GPC6: variants seen among roughly 807,000 people sequenced by gnomAD.
GPC6 encodes the protein glypican-6.
Under a neutral mutation model 55.2 loss-of-function variants are expected in GPC6, and 14 were observed. The observed-to-expected ratio is 0.25, with a 90% CI of 0.17 to 0.40. The LOEUF is 0.40. GPC6 is among the 10% of genes least tolerant of loss of function. The probability of loss-of-function intolerance (pLI) is 1.00; values close to 1 mark genes in which losing one functional copy is unlikely to be tolerated. For synonymous variants in GPC6, 278 were observed against 259.6 expected, an observed-to-expected ratio of 1.07 and a Z score of -0.68; for missense variants, 641 against 708.5, an observed-to-expected ratio of 0.90 and a Z score of 1.08.
intron 6 of GPC6, among the ~76,000 whole-genome samples, chr13:94,353,120 T>TACG (rs915168935): frequency 9.2e-5 from 14 of 152,254 alleles, no homozygotes; most frequent in African/African-American, 2.9e-4. Context: ...AAGAAGTAGA[T>TACG]ACGACTTACA....
intron 7 of GPC6, among the ~76,000 whole-genome samples, chr13:94,391,352 G>A (rs896681236): frequency 1.3e-5 from 2 of 152,154 alleles, no homozygotes; most frequent in Non-Finnish European, 2.9e-5. Flanking sequence ...TAAATGACTT[G>A]TCCATGGTCA....
Position 93,397,333 on chromosome 13 carries a change from TG to T in GPC6, c.161-147928del, listed in dbSNP as rs1875896523. 2.0e-5 allele frequency among the ~76,000 whole-genome samples: 3 copies of T among 152,198 alleles called. No individual in the cohort carries two copies. In the South Asian group the frequency reaches 6.2e-4, roughly 31 times the overall value. The stretch of plus-strand genomic sequence containing the variant: ...ACACTTGTTATTTTCTTCCTTTTTT[TG>T]GTATAGCCATCTAATAAGTGTAAAG... On this transcript the variant is annotated intron_variant, in intron 1 of 8. Coordinates refer to ENST00000377047, the MANE Select transcript of GPC6 (RefSeq NM_005708.5).
intron 2 of GPC6, among the ~76,000 whole-genome samples, chr13:93,711,371 C>A (rs1778037318): frequency 6.6e-6 from 1 of 151,670 alleles, no homozygotes; most frequent in African/African-American, 2.4e-5. Context: ...TATTCACTAT[C>A]ATGAGAACAG....
chr13:94,378,384 G>C (rs1332265248), intron 6 of GPC6, among the ~76,000 whole-genome samples: 1 of 152,096 alleles, frequency 6.6e-6, no homozygotes, highest in Non-Finnish European at 1.5e-5. Flanking sequence ...TCACAGAAGA[G>C]TACTTAGATA....
chr13:93,984,966 A>G (rs1188342606), intron 3 of GPC6, among the ~76,000 whole-genome samples: 1 of 152,136 alleles, frequency 6.6e-6, no homozygotes, highest in African/African-American at 2.4e-5. Context: ...AACAAAATGT[A>G]TTTTTCTTAT....
chr13:94,355,930 C>T (rs1566713494), intron 6 of GPC6, among the ~76,000 whole-genome samples: 2 of 152,200 alleles, frequency 1.3e-5, no homozygotes, highest in Non-Finnish European at 1.5e-5. Flanking sequence ...GATGCTCTCC[C>T]TCCCCCTGCC....
intron 4 of GPC6, among the ~76,000 whole-genome samples, chr13:94,166,641 A>T (rs1888380220): frequency 6.6e-6 from 1 of 152,154 alleles, no homozygotes; most frequent in Admixed American, 6.6e-5. Context: ...TCTGTTTTGT[A>T]ATCTTTTTTA....
intron 2 of GPC6, among the ~76,000 whole-genome samples, chr13:93,812,302 C>T (rs1886721495): frequency 6.6e-6 from 1 of 151,670 alleles, no homozygotes; most frequent in East Asian, 1.9e-4. Flanking sequence ...GGCAGATTTG[C>T]TTGAAACTGG....
At chr13:93,540,834 C>G (rs542427227) in intron 1 of GPC6, among the ~76,000 whole-genome samples, 4 of 152,240 alleles carry the variant, frequency 2.6e-5, no homozygotes, top group African/African-American at 9.6e-5. Context: ...TTATCAAAGA[C>G]CTCTTACTTT....
chr13:93,800,325 T>C (rs879922475), intron 2 of GPC6, among the ~76,000 whole-genome samples: 6 of 152,204 alleles, frequency 3.9e-5, no homozygotes, highest in Admixed American at 1.3e-4. Flanking sequence ...TTATTCATAA[T>C]GGGCAAAGCT....
chr13:93,611,438 T>C (rs1293557704), intron 2 of GPC6, among the ~76,000 whole-genome samples: 2 of 152,158 alleles, frequency 1.3e-5, no homozygotes. Context: ...TTTCATATTT[T>C]CCATATTGTA....
At chr13:93,520,166 CA>C (rs1438619033) in intron 1 of GPC6, among the ~76,000 whole-genome samples, 1 of 151,878 alleles carries the variant, frequency 6.6e-6, no homozygotes, top group Non-Finnish European at 1.5e-5. Flanking sequence ...CTGTTAGAAG[CA>C]AGTTAAAATA....
intron 1 of GPC6, among the ~76,000 whole-genome samples, chr13:93,367,992 G>A (rs539457747): frequency 1.3e-5 from 2 of 152,058 alleles, no homozygotes; most frequent in Non-Finnish European, 2.9e-5. Context: ...CTTATTTTCT[G>A]TCTAGATGTT....
chr13:93,269,167 T>A (rs1877424851), intron 1 of GPC6, among the ~76,000 whole-genome samples: 1 of 152,178 alleles, frequency 6.6e-6, no homozygotes, highest in East Asian at 1.9e-4. Context: ...AAGATGCGTT[T>A]GTCTAGCAAT....
At chr13:93,494,821 T>C (rs1283185744) in intron 1 of GPC6, among the ~76,000 whole-genome samples, 1 of 149,094 alleles carries the variant, frequency 6.7e-6, no homozygotes, top group Admixed American at 6.7e-5. Flanking sequence ...GGGTTGAAAA[T>C]TCTTTTCTTT....
intron 6 of GPC6, among the ~76,000 whole-genome samples, chr13:94,316,716 CAA>C (rs56304226): frequency 0.37 from 38,922 of 104,664 alleles, 5,121 homozygotes; most frequent in Non-Finnish European, 0.44. Flanking sequence ...GACTCCGTCT[CAA>C]AAAAAAAAAA....
chr13:93,588,518 G>A (rs1484470043), intron 2 of GPC6, among the ~76,000 whole-genome samples: 2 of 152,040 alleles, frequency 1.3e-5, no homozygotes, highest in African/African-American at 4.8e-5. Context: ...TTCTTGCATA[G>A]CTATGAAGAA....
At chr13:93,680,210 A>G (rs1340048016) in intron 2 of GPC6, among the ~76,000 whole-genome samples, 1 of 152,166 alleles carries the variant, frequency 6.6e-6, no homozygotes. Flanking sequence ...TAAAAGGGAC[A>G]CAGAGACACA....
At chr13:94,258,045 T>A (rs2139046089) in intron 4 of GPC6, among the ~76,000 whole-genome samples, 1 of 152,344 alleles carries the variant, frequency 6.6e-6, no homozygotes, top group Middle Eastern at 3.4e-3. Context: ...GGTAGAGATA[T>A]GATAAAACTG....
Sources: allele counts gnomAD v4.1 joint callset (sites outside exome capture counted in the v4.1 genomes callset), GRCh38; gene constraint gnomAD v4.1.1; transcripts MANE v1.5; gene names NCBI Gene and HGNC (gene_info 2026-07-23, HGNC 2026-07-21).